Variants in EPHA7 observed in about 807,000 individuals in gnomAD.
EPHA7 encodes the protein EPH receptor A7.
EPHA7 carries 25 observed loss-of-function variants against 112.6 expected under a neutral mutation model. The ratio of observed to expected loss-of-function variants is 0.22; its 90% CI spans 0.16 to 0.31. The LOEUF (loss-of-function observed/expected upper bound fraction) is 0.31, where lower values mean the gene tolerates loss of function less well. EPHA7 is among the 10% of genes least tolerant of loss of function. EPHA7 has a pLI of 1.00. For missense variants in EPHA7, 962 were observed against 1,212.6 expected (o/e 0.79, Z 3.07); for synonymous variants, 437 against 406.5 (o/e 1.07, Z -0.90).
intron 4 of EPHA7, 95 bp from the exon 5 acceptor site, chr6:93,357,147 T>C: frequency 1.1e-6 from 1 of 922,806 alleles, no homozygotes; most frequent in Non-Finnish European, 1.6e-6. Flanking sequence ...GGCATTAAGC[T>C]AGTGGCTCAA....
chr6:93,261,488 A>G (rs1039005691), intron 9 of EPHA7, among the ~76,000 whole-genome samples: 3 of 151,598 alleles, frequency 2.0e-5, no homozygotes, highest in Admixed American at 6.6e-5. Flanking sequence ...TTTTAATCAA[A>G]TGACAAGAAA....
intron 5 of EPHA7, among the ~76,000 whole-genome samples, chr6:93,341,903 A>G (rs1775156933): frequency 6.6e-6 from 1 of 151,346 alleles, no homozygotes; most frequent in Non-Finnish European, 1.5e-5. Context: ...TAATTTATTC[A>G]CAATATCTAA....
At chr6:93,348,416 TG>T (rs1775515499) in intron 5 of EPHA7, among the ~76,000 whole-genome samples, 1 of 151,880 alleles carries the variant, frequency 6.6e-6, no homozygotes, top group African/African-American at 2.4e-5. Context: ...TCTCCAATCC[TG>T]ATCTCTGTGC....
At chr6:93,259,580 C>T (rs1358391517) in intron 9 of EPHA7, 101 bp from the exon 10 acceptor site, 1 of 1,390,600 alleles carries the variant, frequency 7.2e-7, no homozygotes, top group Non-Finnish European at 1.0e-6. Context: ...GAACAGTGAA[C>T]TTGCTTCCAC....
rs966220240 is a variant in EPHA7, at chr6:93,264,491, T to G, written c.1742+103A>C. The G allele has an allele frequency of 5.0e-6, 3 of 605,842 alleles. No individual in the cohort carries two copies. In the African/African-American group the frequency reaches 5.8e-5, roughly 12 times the overall value. The allele number at this position is 605,842 out of a possible 1,614,324, so 37.5% of individuals were successfully genotyped here. ...TTAATGTTTTATATCAAAGAATGTT[T>G]GCATTTACTATTTAAAATTTTATTA... On this transcript the variant is annotated intron_variant, in intron 8 of 16. Transcript: ENST00000369303.
At chr6:93,359,025 G>T (rs1317293867) in intron 3 of EPHA7, among the ~76,000 whole-genome samples, 1 of 152,010 alleles carries the variant, frequency 6.6e-6, no homozygotes, top group Non-Finnish European at 1.5e-5. Flanking sequence ...GAACTTCTTT[G>T]TTACTAAAAA....
intron 5 of EPHA7, among the ~76,000 whole-genome samples, chr6:93,301,243 T>A (rs1772962702): frequency 6.6e-6 from 1 of 152,198 alleles, no homozygotes; most frequent in African/African-American, 2.4e-5. Flanking sequence ...AATTGATATC[T>A]CATATTTGTA....
intron 14 of EPHA7, among the ~76,000 whole-genome samples, chr6:93,248,407 T>C (rs1386006041): frequency 2.0e-5 from 3 of 151,842 alleles, no homozygotes; most frequent in Non-Finnish European, 4.4e-5. Flanking sequence ...AGTAAATAGA[T>C]GGACTTAGTT....
chr6:93,356,627 T>C, intron 5 of EPHA7, 90 bp downstream of exon 5: 4 of 1,200,232 alleles, frequency 3.3e-6, no homozygotes, highest in Non-Finnish European at 4.7e-6. Flanking sequence ...AATCAAGCTC[T>C]GTGCAGAGAA....
chr6:93,362,798 T>C (rs1241515625), intron 3 of EPHA7, among the ~76,000 whole-genome samples: 1 of 111,674 alleles, frequency 9.0e-6, no homozygotes, highest in Non-Finnish European at 1.9e-5. Flanking sequence ...GGAATGTATC[T>C]TCTTCCTGAA....
chr6:93,280,495 A>G (rs1205498831), intron 5 of EPHA7, among the ~76,000 whole-genome samples: 1 of 152,166 alleles, frequency 6.6e-6, no homozygotes, highest in Non-Finnish European at 1.5e-5. Flanking sequence ...TTTTCTGTTG[A>G]TAGTTGAGTG....
chr6:93,349,667 T>C (rs756669504), intron 5 of EPHA7, among the ~76,000 whole-genome samples: 1 of 151,870 alleles, frequency 6.6e-6, no homozygotes, highest in Non-Finnish European at 1.5e-5. Context: ...CCAATAAATG[T>C]TCTAAAATAA....
At chr6:93,330,678 A>G (rs1041467715) in intron 5 of EPHA7, among the ~76,000 whole-genome samples, 2 of 151,284 alleles carry the variant, frequency 1.3e-5, no homozygotes, top group African/African-American at 4.8e-5. Context: ...TAAAAAATCT[A>G]TTGACCTGTT....
At chr6:93,321,013 C>T (rs913925008) in intron 5 of EPHA7, among the ~76,000 whole-genome samples, 3 of 151,918 alleles carry the variant, frequency 2.0e-5, no homozygotes, top group Non-Finnish European at 4.4e-5. Flanking sequence ...ATTCAATCTA[C>T]TTATCACGTG....
At chr6:93,267,445 A>AT (rs1771000615) in intron 7 of EPHA7, among the ~76,000 whole-genome samples, 2 of 151,706 alleles carry the variant, frequency 1.3e-5, no homozygotes, top group Non-Finnish European at 2.9e-5. Context: ...CTCTCTACTG[A>AT]TACTGATTGA....
intron 5 of EPHA7, among the ~76,000 whole-genome samples, chr6:93,335,224 C>T (rs968547833): frequency 4.6e-5 from 7 of 151,996 alleles, no homozygotes; most frequent in African/African-American, 1.7e-4. Context: ...CTTTTTTCTG[C>T]TTCCAAAAAT....
chr6:93,259,543 G>A, intron 9 of EPHA7, 64 bp from the exon 10 acceptor site: 1 of 1,588,910 alleles, frequency 6.3e-7, no homozygotes. Flanking sequence ...GTCAGCCCAG[G>A]AATTTCATTA....
intron 5 of EPHA7, among the ~76,000 whole-genome samples, chr6:93,298,488 T>C (rs550078986): frequency 6.6e-6 from 1 of 152,234 alleles, no homozygotes; most frequent in South Asian, 2.1e-4. Context: ...GTTTATATTA[T>C]ATATACATAT....
intron 14 of EPHA7, among the ~76,000 whole-genome samples, chr6:93,248,437 T>A (rs1770055323): frequency 6.6e-6 from 1 of 152,116 alleles, no homozygotes; most frequent in Non-Finnish European, 1.5e-5. Flanking sequence ...TTTGAAAATT[T>A]ATATAAGTAT....
Sources: allele counts gnomAD v4.1 joint callset (sites outside exome capture counted in the v4.1 genomes callset), GRCh38; gene constraint gnomAD v4.1.1; transcripts MANE v1.5; gene names NCBI Gene and HGNC (gene_info 2026-07-23, HGNC 2026-07-21).